The following WDR59 variants were observed in gnomAD, a reference collection of about 807,000 sequenced individuals.
WDR59 encodes the protein GATOR2 complex protein WDR59.
In WDR59, 100 loss-of-function variants were observed where a neutral mutation model predicts 131.2. The ratio of observed to expected loss-of-function variants is 0.76; its 90% confidence interval spans 0.65 to 0.90. The LOEUF (loss-of-function observed/expected upper bound fraction) is 0.90. WDR59 is among the 40% of genes least tolerant of loss of function. WDR59 has a pLI of 0.00. For synonymous variants in WDR59, 601 were observed against 466.2 expected, an observed-to-expected ratio of 1.29 and a Z score of -3.72; for missense variants, 1,203 against 1,262.2, an observed-to-expected ratio of 0.95 and a Z score of 0.71.
chr16:74,920,035 C>T (rs1028038269), intron 10 of WDR59, among the ~76,000 whole-genome samples: 1 of 147,726 alleles, frequency 6.8e-6, no homozygotes, highest in Non-Finnish European at 1.5e-5. Flanking sequence ...CGTGCCTGCA[C>T]GCTAGCCTGG....
intron 1 of WDR59, among the ~76,000 whole-genome samples, chr16:74,980,552 C>A (rs930050603): frequency 4.1e-4 from 62 of 151,956 alleles, no homozygotes; most frequent in African/African-American, 1.4e-3. Context: ...TGGGGTTTCA[C>A]CATGTTGGCC....
chr16:74,954,549 G>C (rs117901681), intron 3 of WDR59, among the ~76,000 whole-genome samples: 6,630 of 152,216 alleles, frequency 0.044, 197 homozygotes, highest in Non-Finnish European at 0.054. Flanking sequence ...ATTGCTGATG[G>C]GAGTATAAAA....
At chr16:74,926,059 A>ATT (rs35909183) in intron 8 of WDR59, among the ~76,000 whole-genome samples, 11,285 of 129,136 alleles carry the variant, frequency 0.087, 581 homozygotes, top group Admixed American at 0.13. Flanking sequence ...AGTCTAATAA[A>ATT]TTTTTTTTTT....
At chr16:74,955,852 G>C (rs2033265052) in intron 3 of WDR59, among the ~76,000 whole-genome samples, 2 of 152,048 alleles carry the variant, frequency 1.3e-5, no homozygotes, top group African/African-American at 2.4e-5. Flanking sequence ...ATGTGACACA[G>C]AATCTGGAGA....
At chr16:74,953,330 G>A (rs918497283) in intron 3 of WDR59, among the ~76,000 whole-genome samples, 3 of 151,996 alleles carry the variant, frequency 2.0e-5, no homozygotes, top group Non-Finnish European at 4.4e-5. Context: ...AAAATTAGCT[G>A]GGCATGGTGG....
At chr16:74,969,200 G>A (rs1317202842) in intron 1 of WDR59, among the ~76,000 whole-genome samples, 1 of 152,202 alleles carries the variant, frequency 6.6e-6, no homozygotes, top group Non-Finnish European at 1.5e-5. Flanking sequence ...GGTTAGAGGT[G>A]TAAAGTGGCA....
At chr16:74,901,245 C>T (rs533381264) in intron 18 of WDR59, among the ~76,000 whole-genome samples, 1 of 150,494 alleles carries the variant, frequency 6.6e-6, no homozygotes, top group South Asian at 2.1e-4. Context: ...CTCATCTCTA[C>T]AAAACACAGA....
chr16:74,915,702 G>T, intron 13 of WDR59, 168 bp downstream of exon 13: 4 of 897,608 alleles, frequency 4.5e-6, no homozygotes, highest in Non-Finnish European at 6.6e-6. Flanking sequence ...GGGATTACAG[G>T]CGTGAGCCAC....
Position 74,915,987 on chromosome 16 carries a change from T to G in WDR59, c.1107A>C (p.Lys369Asn). Residue 369 changes from lysine (K) to asparagine (N), a missense_variant, in exon 13 of 26, where the codon AAA (lysine) becomes AAC (asparagine). By Grantham distance (94) the Lys-to-Asn change is moderately conservative. Coordinates refer to ENST00000262144, the MANE Select transcript of WDR59 (RefSeq NM_030581.4). ...CCAGGAGATTTCTAGGGGGATCTTC[T>G]TTTAGGGCTAGCAGGAGAGAGAAGT... ...TASHGEEEAL[K>N]EDPPRNLLEE... 4 of 1,614,198 alleles carry G rather than the reference T, an allele frequency of 2.5e-6. No individual in the cohort carries two copies. The highest frequency in any genetic ancestry group is 3.4e-6 in the Non-Finnish European group (4 of 1,180,032).
At chr16:74,893,975 C>T in intron 18 of WDR59, 163 bp from the exon 19 acceptor site, 1 of 779,810 alleles carries the variant, frequency 1.3e-6, no homozygotes, top group Non-Finnish European at 2.0e-6. Context: ...AAAGGATGAG[C>T]TCTTGTTCCA....
intron 1 of WDR59, among the ~76,000 whole-genome samples, chr16:74,968,007 T>G (rs2145203789): frequency 6.6e-6 from 1 of 152,254 alleles, no homozygotes; most frequent in East Asian, 1.9e-4. Context: ...ACAACATGGA[T>G]GGAGCTCGGA....
intron 1 of WDR59, among the ~76,000 whole-genome samples, chr16:74,981,396 A>G: frequency 6.8e-6 from 1 of 147,126 alleles, no homozygotes; most frequent in Admixed American, 6.8e-5. Flanking sequence ...CAAAAAAAAC[A>G]CACACACACA....
At position 74,888,291 on chromosome 16, in the gene WDR59, C is replaced by T. The variant is rs762056077; in HGVS notation, c.2224G>A (p.Val742Ile). The T allele has an allele frequency of 2.5e-6, 4 of 1,613,642 alleles. No homozygotes were observed. Among genetic ancestry groups the T allele is most frequent in the Non-Finnish European group, 3.4e-6 (4 of 1,179,880 alleles). ...CTACAGAGCATCGCCAGTGTCTGAA[C>T]ATCCCGGAGCCGGCAATAGTGAGCC... ...LLAHYCRLRD[V>I]QTLAMLCSVF... is the part of the protein sequence containing the mutation. The change falls in exon 22 of 26, where the codon GTT becomes ATT. Residue 742 changes from valine to isoleucine, a missense_variant. Val to Ile is a conservative substitution (Grantham distance 29). Transcript: ENST00000262144.
Position 74,952,293 on chromosome 16 carries a change from T to C in WDR59, c.241-750A>G, listed in dbSNP as rs1344117714. The stretch of plus-strand genomic sequence containing the variant: ...GCATCTCTACAAAAAAAATTAAATA[T>C]TAGCCAGTCATGGTGGTGCATGCCT... On this transcript the variant is annotated intron_variant, in intron 3 of 25. Transcript: ENST00000262144. 2.0e-5 allele frequency among the ~76,000 whole-genome samples: 3 copies of C among 151,236 alleles called. No homozygotes were observed. The East Asian group carries it at 5.8e-4, about 29-fold the overall frequency.
chr16:74,946,142 G>C (rs1241009754), intron 6 of WDR59, among the ~76,000 whole-genome samples: 1 of 152,170 alleles, frequency 6.6e-6, no homozygotes, highest in African/African-American at 2.4e-5. Flanking sequence ...TTGCGGTACA[G>C]TGTTACAACT....
chr16:74,875,105 A>G (rs28623000), intron 25 of WDR59, among the ~76,000 whole-genome samples: 2,660 of 152,276 alleles, frequency 0.017, 59 homozygotes, highest in African/African-American at 0.057. Flanking sequence ...TGAATGACTC[A>G]GCAGTAACAC....
At position 74,938,172 on chromosome 16, in the gene WDR59, G is replaced by A; in HGVS notation, c.629C>T (p.Ser210Phe). The change falls in exon 8 of 26, where the codon TCC becomes TTC. Residue 210 changes from serine to phenylalanine, a missense_variant. Coordinates refer to ENST00000262144, the MANE Select transcript of WDR59 (RefSeq NM_030581.4). ...GACCTTCACAGAATTGTCTTGACTG[G>A]AGGTAGCAAGAATGTGCTCGCTGTC... ...HPDSEHILATSSQDNSVKFWD... is the reference protein window; with the variant it reads ...HPDSEHILATFSQDNSVKFWD... 7 of 1,572,014 alleles carry A rather than the reference G, an allele frequency of 4.5e-6. No individual in the cohort carries two copies. The highest frequency in any genetic ancestry group is 6.0e-6 in the Non-Finnish European group (7 of 1,160,178).
chr16:74,954,209 G>C (rs1199517910), intron 3 of WDR59, among the ~76,000 whole-genome samples: 1 of 152,064 alleles, frequency 6.6e-6, no homozygotes, highest in African/African-American at 2.4e-5. Context: ...GAGAGTTTGA[G>C]ACCAGCTGGA....
chr16:74,917,440 G>T (rs1171407662), intron 11 of WDR59, among the ~76,000 whole-genome samples: 3 of 152,164 alleles, frequency 2.0e-5, no homozygotes, highest in Admixed American at 6.5e-5. Context: ...GCTGAATACT[G>T]AAGTTGGTTC....
Sources: gnomAD v4.1 joint callset for allele counts (sites outside exome capture counted in the v4.1 genomes callset) on GRCh38, gnomAD v4.1.1 for gene constraint, MANE v1.5 for transcripts, NCBI Gene and HGNC (gene_info 2026-07-23, HGNC 2026-07-21) for gene names.